Variants in ST7L observed in about 807,000 individuals in gnomAD.
ST7L encodes the protein suppressor of tumorigenicity 7 protein-like.
In ST7L, 57 loss-of-function variants were observed where a neutral mutation model predicts 72.5. The observed-to-expected ratio is 0.79, with a 90% CI of 0.64 to 0.98. ST7L has a LOEUF of 0.98. Ranked by LOEUF, ST7L falls within the 50% of genes least tolerant of loss-of-function variation. The probability of loss-of-function intolerance (pLI) is 0.00; values close to 1 mark genes in which losing one functional copy is unlikely to be tolerated. For synonymous variants in ST7L, 221 were observed against 240.9 expected, an observed-to-expected ratio of 0.92 and a Z score of 0.77; for missense variants, 576 against 672.2, an observed-to-expected ratio of 0.86 and a Z score of 1.58.
intron 11 of ST7L, among the ~76,000 whole-genome samples, chr1:112,560,970 A>G (rs80344147): frequency 6.6e-6 from 1 of 151,686 alleles, no homozygotes; most frequent in South Asian, 2.1e-4. Flanking sequence ...TCTTAAAGAA[A>G]AAAAAAAAAA....
At chr1:112,520,957 C>T (rs1207651851), downstream of ST7L, 1 of 167,954 alleles carries the variant, frequency 6.0e-6, no homozygotes, top group Non-Finnish European at 1.3e-5. Context: ...CTCTGAAGTC[C>T]GTTTGAGCAG....
chr1:112,590,116 A>G (rs1268685305), intron 6 of ST7L, among the ~76,000 whole-genome samples: 2 of 152,186 alleles, frequency 1.3e-5, no homozygotes, highest in African/African-American at 4.8e-5. Context: ...TTGAAATTGA[A>G]AACTCTCTTC....
chr1:112,575,070 C>T (rs1662888610), intron 11 of ST7L, among the ~76,000 whole-genome samples: 1 of 152,076 alleles, frequency 6.6e-6, no homozygotes, highest in South Asian at 2.1e-4. Flanking sequence ...AACCTCGTCT[C>T]TACTAAAAAT....
chr1:112,571,772 T>C (rs551078377), intron 11 of ST7L, among the ~76,000 whole-genome samples: 1 of 152,304 alleles, frequency 6.6e-6, no homozygotes, highest in South Asian at 2.1e-4. Context: ...AAATTCATGT[T>C]TGTAACTATA....
At chr1:112,533,328 T>TA (rs1654688332) in intron 14 of ST7L, among the ~76,000 whole-genome samples, 1 of 145,032 alleles carries the variant, frequency 6.9e-6, no homozygotes, top group African/African-American at 2.8e-5. Flanking sequence ...TTTATTTTAT[T>TA]TTTTTTTTTG....
chr1:112,594,565 A>T (rs986875737), intron 5 of ST7L, among the ~76,000 whole-genome samples: 3 of 152,240 alleles, frequency 2.0e-5, no homozygotes, highest in Non-Finnish European at 2.9e-5. Context: ...GGCATTAGCA[A>T]GGAGTAATAA....
chr1:112,583,929 A>G (rs1273916054), intron 7 of ST7L, 43 bp downstream of exon 7: 2 of 1,571,128 alleles, frequency 1.3e-6, no homozygotes, highest in Non-Finnish European at 1.7e-6. Flanking sequence ...CAAGCAAATT[A>G]CAGATGCTAA....
At chr1:112,520,734 C>T, downstream of ST7L, 2 of 588,258 alleles carry the variant, frequency 3.4e-6, no homozygotes, top group Non-Finnish European at 3.0e-6. Flanking sequence ...TGATTTCCCG[C>T]TCTGGAGATT....
chr1:112,585,332 G>A (rs11102501), intron 6 of ST7L, among the ~76,000 whole-genome samples: 29,558 of 152,184 alleles, frequency 0.19, 3,596 homozygotes, highest in East Asian at 0.46. Context: ...AATGTGATGC[G>A]TCTGAATTGA....
intron 14 of ST7L, among the ~76,000 whole-genome samples, chr1:112,541,523 C>G (rs566090930): frequency 1.3e-5 from 2 of 152,178 alleles, no homozygotes; most frequent in African/African-American, 4.8e-5. Context: ...TCTGTTCCCC[C>G]GCCTTATGTA....
At position 112,610,868 on chromosome 1, in the gene ST7L, T is replaced by C. The variant is rs1430687395; in HGVS notation, c.424A>G (p.Asn142Asp). 5.0e-6 allele frequency: 8 copies of C among 1,614,112 alleles called. No homozygotes were observed. Among genetic ancestry groups the C allele is most frequent in the Non-Finnish European group, 5.9e-6 (7 of 1,180,012 alleles). Residue 142 changes from asparagine (N) to aspartate (D), a missense_variant, in exon 3 of 15, where the codon AAT becomes GAT. Asn to Asp is a conservative substitution (Grantham distance 23). Transcript: ENST00000358039. ...GACAAATTCTGTCTGCTGGTTTCATTTTCTCTGTTCCTCGAAGGAGAACCT... is the reference window on the plus strand; with the variant it reads ...GACAAATTCTGTCTGCTGGTTTCATCTTCTCTGTTCCTCGAAGGAGAACCT... ...EPGSPSRNRE[N>D]ETSRQNLSEC...
intron 1 of ST7L, chr1:112,618,463 T>C (rs2101110087): frequency 1.0e-5 from 2 of 198,276 alleles, no homozygotes; most frequent in African/African-American, 2.3e-5. Context: ...CCATTTTCTT[T>C]CTCTGAAATC....
chr1:112,521,998 A>G (rs1394552027), downstream of ST7L: 1 of 152,200 alleles, frequency 6.6e-6, no homozygotes, highest in Admixed American at 6.5e-5. Flanking sequence ...TCTCATCTGT[A>G]AAATGAGGAT....
At chr1:112,520,688 A>C (rs562464646), downstream of ST7L, 3 of 658,192 alleles carry the variant, frequency 4.6e-6, no homozygotes, top group Non-Finnish European at 7.8e-6. Context: ...CCTGGGAAGG[A>C]GTTGTCAGGG....
intron 13 of ST7L, among the ~76,000 whole-genome samples, chr1:112,548,931 GTTC>G (rs1657615524): frequency 6.6e-6 from 1 of 151,214 alleles, no homozygotes; most frequent in Non-Finnish European, 1.5e-5. Flanking sequence ...TTTTCAATTC[GTTC>G]TTCTTCATAA....
At chr1:112,611,118 T>C in intron 2 of ST7L, 115 bp from the exon 3 acceptor site, 1 of 951,892 alleles carries the variant, frequency 1.1e-6, no homozygotes, top group Non-Finnish European at 1.5e-6. Flanking sequence ...TGCACTCTCC[T>C]TTCAAAAAGA....
At chr1:112,583,453 A>G (rs948471912) in intron 7 of ST7L, among the ~76,000 whole-genome samples, 11 of 152,166 alleles carry the variant, frequency 7.2e-5, no homozygotes, top group African/African-American at 2.7e-4. Flanking sequence ...CACATCATGG[A>G]GAAAAATCAA....
At chr1:112,556,728 A>C (rs1021797844) in intron 11 of ST7L, among the ~76,000 whole-genome samples, 3 of 152,042 alleles carry the variant, frequency 2.0e-5, no homozygotes, top group African/African-American at 7.2e-5. Context: ...CTGTAATCCC[A>C]ACACTTTGAG....
upstream of ST7L, chr1:112,619,565 C>G (rs1275244026): frequency 5.7e-6 from 3 of 529,216 alleles, no homozygotes; most frequent in Non-Finnish European, 1.0e-5. Context: ...CAAGAATAAT[C>G]GAAACACGCT....
Sources: allele counts gnomAD v4.1 joint callset (sites outside exome capture counted in the v4.1 genomes callset), GRCh38; gene constraint gnomAD v4.1.1; transcripts MANE v1.5; gene names NCBI Gene and HGNC (gene_info 2026-07-23, HGNC 2026-07-21).